RNF144B: variants seen among roughly 807,000 people sequenced by gnomAD.
The protein encoded by RNF144B is E3 ubiquitin-protein ligase RNF144B.
A neutral mutation model predicts 40.2 loss-of-function variants in RNF144B; 25 were observed. The ratio of observed to expected loss-of-function variants is 0.62; its 90% CI spans 0.45 to 0.87. The LOEUF is 0.87. Ranked by LOEUF, RNF144B falls within the 40% of genes least tolerant of loss-of-function variation. The pLI is 0.00. For missense variants in RNF144B, 365 were observed against 373.7 expected (o/e 0.98, Z 0.19); for synonymous variants, 145 against 136.3 (o/e 1.06, Z -0.44).
intron 1 of RNF144B, chr6:18,396,908 C>A: frequency 1.4e-6 from 1 of 724,302 alleles, no homozygotes; most frequent in Non-Finnish European, 1.7e-6. Flanking sequence ...ACGTGCAGGT[C>A]TATTTGAATT....
At chr6:18,409,476 G>A (rs1303416818) in intron 2 of RNF144B, among the ~76,000 whole-genome samples, 1 of 148,754 alleles carries the variant, frequency 6.7e-6, no homozygotes, top group Non-Finnish European at 1.5e-5. Context: ...TCTTGCCATA[G>A]GTATATTAAG....
Position 18,448,965 on chromosome 6 carries a change from A to G in RNF144B, c.332-8190A>G, listed in dbSNP as rs1214502056. On this transcript the variant is annotated intron_variant, in intron 4 of 7. Coordinates refer to ENST00000259939, the MANE Select transcript of RNF144B (RefSeq NM_182757.4). This position sits in a 1 kb window ranked among gnomAD's most constrained non-coding sequence, Gnocchi z 4.0. ...CTAATTCTTGTGTAGAACCTGCTTCATGTCAGGCACTGTGTTAAGTGTCTC... is the reference window on the plus strand; with the variant it reads ...CTAATTCTTGTGTAGAACCTGCTTCGTGTCAGGCACTGTGTTAAGTGTCTC... Among the ~76,000 whole-genome samples the G allele has an allele frequency of 6.6e-6, 1 of 152,166 alleles. No individual in the cohort carries two copies. The highest frequency in any genetic ancestry group is 1.9e-4 in the East Asian group (1 of 5,194).
rs148970044 is a variant in RNF144B at position 18,398,176 on chromosome 6, A to G, written c.-36-1323A>G. On this transcript the variant is annotated intron_variant, in intron 1 of 7. Coordinates refer to ENST00000259939, the MANE Select transcript of RNF144B (RefSeq NM_182757.4). This position sits in a 1 kb window ranked among gnomAD's most constrained non-coding sequence, Gnocchi z 5.0. Reference sequence around the variant, plus strand: ...CTCCCACCAGCCCCTGGTAACCTCTATTCTTCTTTTTGTCTCTCAGAATTG... The same window carrying G: ...CTCCCACCAGCCCCTGGTAACCTCTGTTCTTCTTTTTGTCTCTCAGAATTG... Among the ~76,000 whole-genome samples the G allele has an allele frequency of 1.1e-3, 174 of 152,016 alleles. 2 individuals are homozygous for G. The highest frequency in any genetic ancestry group is 3.4e-3 in the Middle Eastern group (1 of 294).
At position 18,410,756 on chromosome 6, in the gene RNF144B, G is replaced by A. The variant is rs891124881; in HGVS notation, c.165+11057G>A. ...GGAATGAGATAGGGAGGATGGCGTC[G>A]GTACAGGATAGAGAATGGACTGAAA... On this transcript the variant is annotated intron_variant, in intron 2 of 7. Coordinates refer to ENST00000259939, the MANE Select transcript of RNF144B (RefSeq NM_182757.4). The surrounding 1 kb of genome is among the most constrained non-coding windows in gnomAD (Gnocchi z 4.6). Among the ~76,000 whole-genome samples the A allele has an allele frequency of 2.0e-5, 3 of 152,158 alleles. No homozygotes were observed. The highest frequency in any genetic ancestry group is 1.5e-5 in the Non-Finnish European group (1 of 68,000).
At chr6:18,388,669 A>C (rs1794517500) in intron 1 of RNF144B, among the ~76,000 whole-genome samples, 1 of 152,102 alleles carries the variant, frequency 6.6e-6, no homozygotes. Context: ...CAGTGCCTTA[A>C]ATACTTCTAA....
chr6:18,434,983 T>C lies in RNF144B; in HGVS notation c.271-4701T>C, dbSNP rs1758785941. 6.6e-6 allele frequency among the ~76,000 whole-genome samples: 1 copy of C among 152,172 alleles called. No homozygotes were observed. The highest frequency in any genetic ancestry group is 1.5e-5 in the Non-Finnish European group (1 of 68,036). On this transcript the variant is annotated intron_variant, in intron 3 of 7. Coordinates refer to ENST00000259939, the MANE Select transcript of RNF144B (RefSeq NM_182757.4). The surrounding 1 kb of genome is among the most constrained non-coding windows in gnomAD (Gnocchi z 4.1). ...TTATCAGAAATGAAACAAAACAAAA[T>C]AGTGATTGTGGACAATTAGTAGCTT...
intron 2 of RNF144B, among the ~76,000 whole-genome samples, chr6:18,401,345 G>A (rs1794798374): frequency 6.6e-6 from 1 of 152,196 alleles, no homozygotes; most frequent in African/African-American, 2.4e-5. Flanking sequence ...GAGGGTAGGA[G>A]TTAGTACAGT....
rs1794733436 is a variant in RNF144B, at chr6:18,398,440, T to C, written c.-36-1059T>C. ...AGGCTGGAGTGTGGTGACGCAATCTTGACTCACTGCAACCTCTGCCTCCTG... is the reference window on the plus strand; with the variant it reads ...AGGCTGGAGTGTGGTGACGCAATCTCGACTCACTGCAACCTCTGCCTCCTG... On this transcript the variant is annotated intron_variant, in intron 1 of 7. Transcript: ENST00000259939. The surrounding 1 kb of genome is among the most constrained non-coding windows in gnomAD (Gnocchi z 5.0). Among the ~76,000 whole-genome samples the C allele has an allele frequency of 6.6e-6, 1 of 152,224 alleles. No homozygotes were observed. Among genetic ancestry groups the C allele is most frequent in the East Asian group, 1.9e-4 (1 of 5,202 alleles).
At chr6:18,403,399 A>G (rs1490555009) in intron 2 of RNF144B, among the ~76,000 whole-genome samples, 1 of 152,210 alleles carries the variant, frequency 6.6e-6, no homozygotes, top group Non-Finnish European at 1.5e-5. Context: ...AAGAGTCGGT[A>G]TGTTGGGCAT....
At position 18,443,080 on chromosome 6, in the gene RNF144B, A is replaced by T. The variant is rs1250913700; in HGVS notation, c.331+3336A>T. Reference sequence around the variant, plus strand: ...TTACGGGATCATGTGGTAATTTTACATTTAGTTTTTGAGGAACTGCCAAAT... The same window carrying T: ...TTACGGGATCATGTGGTAATTTTACTTTTAGTTTTTGAGGAACTGCCAAAT... On this transcript the variant is annotated intron_variant, in intron 4 of 7. Coordinates refer to ENST00000259939, the MANE Select transcript of RNF144B (RefSeq NM_182757.4). This position sits in a 1 kb window ranked among gnomAD's most constrained non-coding sequence, Gnocchi z 4.7. Among the ~76,000 whole-genome samples, 1 of 152,106 alleles carries T rather than the reference A, an allele frequency of 6.6e-6. No homozygotes were observed. Among genetic ancestry groups the T allele is most frequent in the African/African-American group, 2.4e-5 (1 of 41,422 alleles).
At position 18,450,813 on chromosome 6, in the gene RNF144B, T is replaced by G. The variant is rs1203597966; in HGVS notation, c.332-6342T>G. On this transcript the variant is annotated intron_variant, in intron 4 of 7. Transcript: ENST00000259939. The surrounding 1 kb of genome is among the most constrained non-coding windows in gnomAD (Gnocchi z 4.7). Reference sequence around the variant, plus strand: ...AAAAGTCTGTTCTCTCTTCTACAGCTTCTAAATGCTGCCTGCAAAGTTGCT... The same window carrying G: ...AAAAGTCTGTTCTCTCTTCTACAGCGTCTAAATGCTGCCTGCAAAGTTGCT... 6.6e-6 allele frequency among the ~76,000 whole-genome samples: 1 copy of G among 152,216 alleles called. No homozygotes were observed. The highest frequency in any genetic ancestry group is 1.5e-5 in the Non-Finnish European group (1 of 68,040).
Position 18,405,963 on chromosome 6 carries a change from C to A in RNF144B, c.165+6264C>A. ...GTGACCTTAGATCTTCTAGTTCCCC[C>A]ACCCTCCTAATGAAAGAAGTCATTT... On this transcript the variant is annotated intron_variant, in intron 2 of 7. Coordinates refer to ENST00000259939, the MANE Select transcript of RNF144B (RefSeq NM_182757.4). This position sits in a 1 kb window ranked among gnomAD's most constrained non-coding sequence, Gnocchi z 4.5. 4.0e-6 allele frequency: 2 copies of A among 496,582 alleles called. No homozygotes were observed. The highest frequency in any genetic ancestry group is 3.3e-4 in the Middle Eastern group (1 of 3,016). The allele number at this position is 496,582 out of a possible 1,614,324, so 30.8% of individuals were successfully genotyped here. A position where few individuals can be genotyped will look rare whatever the true frequency, so the allele number is the denominator to read the frequency against.
intron 4 of RNF144B, among the ~76,000 whole-genome samples, chr6:18,452,099 A>G (rs550038152): frequency 6.6e-6 from 1 of 152,362 alleles, no homozygotes; most frequent in African/African-American, 2.4e-5. Flanking sequence ...ATTCCAATAC[A>G]AGGCAATTCA....
rs1794734543 is a variant in RNF144B at position 18,398,497 on chromosome 6, G to C, written c.-36-1002G>C. On this transcript the variant is annotated intron_variant, in intron 1 of 7. Transcript: ENST00000259939. This position sits in a 1 kb window ranked among gnomAD's most constrained non-coding sequence, Gnocchi z 5.0. Reference sequence around the variant, plus strand: ...AGTGATTCTCCCGCCTCAGCCTCCTGAGTAGCTGGGATTACAGATGTGCCA... The same window carrying C: ...AGTGATTCTCCCGCCTCAGCCTCCTCAGTAGCTGGGATTACAGATGTGCCA... 6.6e-6 allele frequency among the ~76,000 whole-genome samples: 1 copy of C among 152,120 alleles called. No homozygotes were observed. The highest frequency in any genetic ancestry group is 6.5e-5 in the Admixed American group (1 of 15,276).
At chr6:18,432,316 G>A (rs116761136) in intron 3 of RNF144B, among the ~76,000 whole-genome samples, 9,725 of 152,236 alleles carry the variant, frequency 0.064, 404 homozygotes, top group Non-Finnish European at 0.083. Context: ...GGTAGAAAAC[G>A]GCAGCTTCCC....
intron 4 of RNF144B, among the ~76,000 whole-genome samples, chr6:18,454,676 C>A (rs561675246): frequency 2.6e-5 from 4 of 152,136 alleles, no homozygotes; most frequent in Non-Finnish European, 5.9e-5. Flanking sequence ...AGCTGCACTG[C>A]GCCATAGCTG....
At position 18,465,527 on chromosome 6, in the gene RNF144B, G is replaced by C. The variant is rs1489983922; in HGVS notation, c.*460G>C. ...CTGATGAGGAGAAGGATAAGACTGCGTAAGGAGAAATCCTCATAGGAGCTA... is the reference window on the plus strand; with the variant it reads ...CTGATGAGGAGAAGGATAAGACTGCCTAAGGAGAAATCCTCATAGGAGCTA... On this transcript the variant is annotated 3_prime_UTR_variant, in exon 8 of 8. Coordinates refer to ENST00000259939, the MANE Select transcript of RNF144B (RefSeq NM_182757.4). The C allele has an allele frequency of 6.4e-6, 1 of 155,758 alleles. No homozygotes were observed. The highest frequency in any genetic ancestry group is 6.4e-5 in the Admixed American group (1 of 15,702). 9.6% of individuals were successfully genotyped at this position (155,758 alleles called of 1,614,324 possible). A position where few individuals can be genotyped will look rare whatever the true frequency, so the allele number is the denominator to read the frequency against.
In RNF144B at chr6:18,457,128, A is replaced by G. The variant is rs747937204; in HGVS notation, c.332-27A>G. ...GACTCAAACATGAATCGGGCAGACC[A>G]TCACATTTTCTTTCTTTACACTTTA... On this transcript the variant is annotated intron_variant, in intron 4 of 7. Coordinates refer to ENST00000259939, the MANE Select transcript of RNF144B (RefSeq NM_182757.4). The surrounding 1 kb of genome is among the most constrained non-coding windows in gnomAD (Gnocchi z 5.1). 1.3e-6 allele frequency: 2 copies of G among 1,537,272 alleles called. No homozygotes were observed. Among genetic ancestry groups the G allele is most frequent in the Non-Finnish European group, 1.8e-6 (2 of 1,111,362 alleles).
In RNF144B at chr6:18,398,772, A is replaced by G. The variant is rs1794738916; in HGVS notation, c.-36-727A>G. Reference sequence around the variant, plus strand: ...ATAATGTTGCTATGAATATGGGTGTACAAATATCTCTTTGAGACCCTGCTT... The same window carrying G: ...ATAATGTTGCTATGAATATGGGTGTGCAAATATCTCTTTGAGACCCTGCTT... On this transcript the variant is annotated intron_variant, in intron 1 of 7. Transcript: ENST00000259939. The surrounding 1 kb of genome is among the most constrained non-coding windows in gnomAD (Gnocchi z 5.0). Among the ~76,000 whole-genome samples the G allele has an allele frequency of 6.6e-6, 1 of 152,174 alleles. No individual in the cohort carries two copies. Among genetic ancestry groups the G allele is most frequent in the South Asian group, 2.1e-4 (1 of 4,832 alleles).
Sources: gnomAD v4.1 joint callset for allele counts (sites outside exome capture counted in the v4.1 genomes callset) on GRCh38, gnomAD v4.1.1 for gene constraint, Gnocchi (gnomAD v3.1) non-coding constraint, MANE v1.5 for transcripts, NCBI Gene and HGNC (gene_info 2026-07-23, HGNC 2026-07-21) for gene names.